The following CRPPA variants were observed in gnomAD, a reference collection of about 807,000 sequenced individuals.
CRPPA encodes the protein CDP-L-ribitol pyrophosphorylase A.
Under a neutral mutation model 52.0 loss-of-function variants are expected in CRPPA, and 43 were observed. The ratio of observed to expected loss-of-function variants is 0.83; its 90% confidence interval spans 0.65 to 1.07. The LOEUF (loss-of-function observed/expected upper bound fraction) is 1.07. Ranked by LOEUF, CRPPA falls within the 50% of genes least tolerant of loss-of-function variation. CRPPA has a pLI of 0.00. For synonymous variants in CRPPA, 250 were observed against 203.5 expected (o/e 1.23, Z -1.94); for missense variants, 629 against 551.7 (o/e 1.14, Z -1.40).
At chr7:16,213,658 A>G (rs972768048) in intron 9 of CRPPA, among the ~76,000 whole-genome samples, 2 of 151,782 alleles carry the variant, frequency 1.3e-5, no homozygotes, top group African/African-American at 2.4e-5. Flanking sequence ...CTGTGGCAGG[A>G]GAATTGCTTG....
At chr7:16,302,670 G>A (rs1432845372) in intron 4 of CRPPA, among the ~76,000 whole-genome samples, 1 of 152,138 alleles carries the variant, frequency 6.6e-6, no homozygotes, top group African/African-American at 2.4e-5. Flanking sequence ...TCAAATAAAA[G>A]AGAGAAAAAA....
At chr7:16,393,296 G>T (rs1046384849) in intron 2 of CRPPA, among the ~76,000 whole-genome samples, 3 of 152,140 alleles carry the variant, frequency 2.0e-5, no homozygotes, top group African/African-American at 7.2e-5. Context: ...AGTGGTTTAT[G>T]AAGTATACTT....
intron 6 of CRPPA, chr7:16,270,536 T>A (rs1277036231): frequency 6.6e-6 from 1 of 152,050 alleles, no homozygotes; most frequent in African/African-American, 2.4e-5. Flanking sequence ...CATTTTGGAG[T>A]TTCTTTCCAC....
chr7:16,397,721 G>C (rs1399956924), intron 2 of CRPPA, among the ~76,000 whole-genome samples: 3 of 152,156 alleles, frequency 2.0e-5, no homozygotes, highest in Admixed American at 2.0e-4. Flanking sequence ...TGCGACCAAC[G>C]TTTGAGACAT....
chr7:16,259,033 T>C, intron 6 of CRPPA, 21 bp from the exon 7 acceptor site: 3 of 1,532,754 alleles, frequency 2.0e-6, no homozygotes, highest in East Asian at 2.3e-5. Context: ...AAAACAGAAA[T>C]GAATTCACAA....
At chr7:16,357,795 G>A (rs1233792334) in intron 3 of CRPPA, among the ~76,000 whole-genome samples, 1 of 152,196 alleles carries the variant, frequency 6.6e-6, no homozygotes, top group Non-Finnish European at 1.5e-5. Flanking sequence ...CGAAGTCTGA[G>A]GGGGAGTACC....
intron 9 of CRPPA, among the ~76,000 whole-genome samples, chr7:16,155,191 T>C (rs1215707288): frequency 6.6e-6 from 1 of 152,114 alleles, no homozygotes; most frequent in East Asian, 1.9e-4. Context: ...ATTTATTCCT[T>C]TTACCACAGC....
chr7:16,379,984 C>T (rs918349549), intron 2 of CRPPA, among the ~76,000 whole-genome samples: 2 of 151,890 alleles, frequency 1.3e-5, no homozygotes, highest in Admixed American at 1.3e-4. Context: ...CCTTTATTTC[C>T]TTCTCCTGCC....
intron 9 of CRPPA, among the ~76,000 whole-genome samples, chr7:16,151,703 G>A (rs1783078858): frequency 6.6e-6 from 1 of 151,772 alleles, no homozygotes; most frequent in Non-Finnish European, 1.5e-5. Flanking sequence ...TTTACAAATT[G>A]AAAAAATATT....
chr7:16,397,855 C>T (rs543292724), intron 2 of CRPPA, among the ~76,000 whole-genome samples: 5 of 152,354 alleles, frequency 3.3e-5, no homozygotes, highest in East Asian at 1.9e-4. Context: ...GTAATCATCA[C>T]GTGATCAACA....
chr7:16,252,683 C>A (rs944496192), intron 8 of CRPPA, among the ~76,000 whole-genome samples: 3 of 152,160 alleles, frequency 2.0e-5, no homozygotes, highest in African/African-American at 4.8e-5. Flanking sequence ...AGGAATGGTA[C>A]CAGCTCCTCT....
intron 5 of CRPPA, among the ~76,000 whole-genome samples, chr7:16,283,921 T>C (rs947268809): frequency 6.6e-6 from 1 of 151,996 alleles, no homozygotes; most frequent in African/African-American, 2.4e-5. Context: ...ATTTGTTAAA[T>C]TGAGGGAAAT....
At chr7:16,127,374 G>C (rs1053513469) in intron 9 of CRPPA, among the ~76,000 whole-genome samples, 1 of 151,814 alleles carries the variant, frequency 6.6e-6, no homozygotes, top group Non-Finnish European at 1.5e-5. Flanking sequence ...AAATAAATAA[G>C]AAGGTTAAAT....
chr7:16,107,724 A>T (rs1456477225), intron 9 of CRPPA, among the ~76,000 whole-genome samples: 2 of 152,096 alleles, frequency 1.3e-5, no homozygotes, highest in African/African-American at 4.8e-5. Flanking sequence ...AATACTCTAA[A>T]ACTGTAATGA....
chr7:16,365,361 G>C (rs980400373), intron 3 of CRPPA, among the ~76,000 whole-genome samples: 9 of 152,224 alleles, frequency 5.9e-5, no homozygotes, highest in Admixed American at 2.0e-4. Context: ...GACCAGCTGT[G>C]TTTGTGAAAT....
chr7:16,252,944 G>C (rs1049610240), intron 8 of CRPPA, among the ~76,000 whole-genome samples: 15 of 150,472 alleles, frequency 1.0e-4, no homozygotes, highest in African/African-American at 3.2e-4. Flanking sequence ...TGGGATCGCT[G>C]GTGATATCCC....
At chr7:16,408,108 T>TAAAAAA (rs912306940) in intron 1 of CRPPA, among the ~76,000 whole-genome samples, 2 of 138,644 alleles carry the variant, frequency 1.4e-5, no homozygotes, top group South Asian at 4.7e-4. Context: ...ACTCTGTCTT[T>TAAAAAA]AAAAAAAAAA....
chr7:16,194,817 G>A (rs577079686), intron 9 of CRPPA, among the ~76,000 whole-genome samples: 1 of 149,572 alleles, frequency 6.7e-6, no homozygotes, highest in African/African-American at 2.4e-5. Flanking sequence ...TTATGCTCCG[G>A]TGAGTTTAAA....
chr7:16,266,832 C>A (rs1338975662), intron 6 of CRPPA, among the ~76,000 whole-genome samples: 2 of 152,088 alleles, frequency 1.3e-5, no homozygotes, highest in African/African-American at 4.8e-5. Context: ...TGTAAAGCTG[C>A]AAAATACCAC....
Sources: gnomAD v4.1 joint callset for allele counts (sites outside exome capture counted in the v4.1 genomes callset) on GRCh38, gnomAD v4.1.1 for gene constraint, MANE v1.5 for transcripts, NCBI Gene and HGNC (gene_info 2026-07-23, HGNC 2026-07-21) for gene names.